The following SUCLG2 variants were observed in gnomAD, a reference collection of about 807,000 sequenced individuals.
SUCLG2 encodes the protein succinate-CoA ligase GDP-forming subunit beta.
A neutral mutation model predicts 47.9 loss-of-function variants in SUCLG2; 42 were observed. The ratio of observed to expected loss-of-function variants is 0.88; its 90% CI spans 0.69 to 1.14. SUCLG2 has a LOEUF of 1.14. Among genes scored for constraint, SUCLG2 ranks in the 50% most tolerant of loss-of-function variants. The pLI, the probability that SUCLG2 is intolerant of heterozygous loss-of-function variation, is 0.00. For synonymous variants in SUCLG2, 195 were observed against 197.3 expected, an observed-to-expected ratio of 0.99 and a Z score of 0.10; for missense variants, 571 against 525.9, an observed-to-expected ratio of 1.09 and a Z score of -0.84.
chr3:67,449,743 AG>A (rs1704009327), intron 9 of SUCLG2, among the ~76,000 whole-genome samples: 1 of 151,796 alleles, frequency 6.6e-6, no homozygotes, highest in Non-Finnish European at 1.5e-5. Flanking sequence ...CCCCCTGAGT[AG>A]CTGGGACTAC....
At chr3:67,426,904 C>A (rs556792024) in intron 9 of SUCLG2, among the ~76,000 whole-genome samples, 1 of 151,834 alleles carries the variant, frequency 6.6e-6, no homozygotes, top group African/African-American at 2.4e-5. Context: ...TCCAACCTGG[C>A]GACAGAGCAA....
chr3:67,598,273 C>T (rs1273568422), intron 2 of SUCLG2, among the ~76,000 whole-genome samples: 12 of 152,152 alleles, frequency 7.9e-5, no homozygotes, highest in Admixed American at 6.5e-5. Context: ...TGAGCCACCA[C>T]GCCCGGCCAA....
chr3:67,400,816 G>A lies in SUCLG2; in HGVS notation c.1098C>T (p.Ile366=), dbSNP rs1052001825. 5.6e-6 allele frequency: 9 copies of A among 1,612,556 alleles called. No individual in the cohort carries two copies. Among genetic ancestry groups the A allele is most frequent in the African/African-American group, 4.0e-5 (3 of 74,782 alleles). ...CATTGGCAATGATGGCACAGTTGAC[G>A]ATACCACCAAATATATTGACAAGGA... ...EAILVNIFGG[I]VNCAIIANGI... is the part of the protein sequence containing the mutation. The change falls in exon 10 of 11, where the codon ATC becomes ATT. Residue 366 remains isoleucine, a synonymous_variant. Coordinates refer to ENST00000307227, the MANE Select transcript of SUCLG2 (RefSeq NM_003848.4).
intron 2 of SUCLG2, among the ~76,000 whole-genome samples, chr3:67,551,255 T>C (rs1252087652): frequency 6.6e-6 from 1 of 152,246 alleles, no homozygotes; most frequent in South Asian, 2.1e-4. Context: ...CACCTTCTGA[T>C]GGACTAATGC....
rs1303657425 is a variant in SUCLG2, at chr3:67,400,760, A to G, written c.1154T>C (p.Leu385Pro). ...GITKACRELE[L>P]KVPLVVRLEG... ...AAGCCGGACCACCAGGGGCACCTTGAGTTCTAGCTCCCGGCAGGCTTTGGT... is the reference window on the plus strand; with the variant it reads ...AAGCCGGACCACCAGGGGCACCTTGGGTTCTAGCTCCCGGCAGGCTTTGGT... The change falls in exon 10 of 11, where the codon CTC becomes CCC. Residue 385 changes from leucine (L) to proline (P), a missense_variant. By Grantham distance (98) the Leu-to-Pro change is moderately conservative. Transcript: ENST00000307227. 1.2e-6 allele frequency: 2 copies of G among 1,611,914 alleles called. No individual in the cohort carries two copies. The highest frequency in any genetic ancestry group is 1.7e-6 in the Non-Finnish European group (2 of 1,179,942).
chr3:67,640,717 C>T (rs1428743306), intron 1 of SUCLG2, among the ~76,000 whole-genome samples: 2 of 152,180 alleles, frequency 1.3e-5, no homozygotes, highest in Admixed American at 6.5e-5. Context: ...GCTATTACTC[C>T]TTTTTTTCTT....
At chr3:67,583,049 T>C (rs1707922808) in intron 2 of SUCLG2, among the ~76,000 whole-genome samples, 1 of 152,090 alleles carries the variant, frequency 6.6e-6, no homozygotes, top group Non-Finnish European at 1.5e-5. Context: ...GAAAATACCT[T>C]ACACTGTCTT....
chr3:67,372,134 G>A (rs894989265), downstream of SUCLG2, among the ~76,000 whole-genome samples: 3 of 152,110 alleles, frequency 2.0e-5, no homozygotes, highest in Non-Finnish European at 2.9e-5. Flanking sequence ...CAGTTCCCAG[G>A]ATGCTCAATA....
intron 9 of SUCLG2, among the ~76,000 whole-genome samples, chr3:67,444,059 T>TAG (rs1703853507): frequency 1.3e-5 from 1 of 79,910 alleles, no homozygotes; most frequent in African/African-American, 4.3e-5. Context: ...GGGAGGGAGG[T>TAG]GGAGGGGTCA....
At chr3:67,439,169 C>G (rs191200396) in intron 9 of SUCLG2, among the ~76,000 whole-genome samples, 2 of 152,216 alleles carry the variant, frequency 1.3e-5, no homozygotes, top group African/African-American at 4.8e-5. Context: ...CAGAAAAGAC[C>G]TTTGATAAAA....
At chr3:67,430,308 G>A (rs553751778) in intron 9 of SUCLG2, among the ~76,000 whole-genome samples, 173 of 152,182 alleles carry the variant, frequency 1.1e-3, no homozygotes, top group African/African-American at 3.9e-3. Flanking sequence ...ACTCAAAACC[G>A]CTCAACTACA....
chr3:67,595,247 C>A (rs541463754), intron 2 of SUCLG2, among the ~76,000 whole-genome samples: 3 of 152,250 alleles, frequency 2.0e-5, no homozygotes, highest in Non-Finnish European at 4.4e-5. Context: ...GGCAGTGAAT[C>A]GTGAAAGTAG....
intron 2 of SUCLG2, among the ~76,000 whole-genome samples, chr3:67,558,560 G>A (rs1213892479): frequency 6.6e-6 from 1 of 152,118 alleles, no homozygotes; most frequent in Non-Finnish European, 1.5e-5. Flanking sequence ...AGAAAGTGCT[G>A]GGCTTTCTGT....
chr3:67,438,399 A>G (rs1248150643), intron 9 of SUCLG2, among the ~76,000 whole-genome samples: 1 of 152,154 alleles, frequency 6.6e-6, no homozygotes, highest in Non-Finnish European at 1.5e-5. Flanking sequence ...ACTGAAGGAG[A>G]TAAAGACATG....
intron 10 of SUCLG2, chr3:67,360,862 C>T: frequency 2.9e-6 from 3 of 1,018,030 alleles, no homozygotes; most frequent in African/African-American, 1.6e-5. Flanking sequence ...CCTGTTACTC[C>T]TATTCCTTAA....
At chr3:67,419,375 C>T (rs1419922841) in intron 9 of SUCLG2, among the ~76,000 whole-genome samples, 3 of 152,106 alleles carry the variant, frequency 2.0e-5, no homozygotes, top group Non-Finnish European at 4.4e-5. Flanking sequence ...TAGGAAGGTA[C>T]ATAAGAAATT....
At chr3:67,579,775 T>C (rs1707835411) in intron 2 of SUCLG2, among the ~76,000 whole-genome samples, 1 of 152,176 alleles carries the variant, frequency 6.6e-6, no homozygotes, top group African/African-American at 2.4e-5. Flanking sequence ...ACGTCAGATA[T>C]CAAAGATACT....
At chr3:67,571,851 T>C (rs1312475736) in intron 2 of SUCLG2, among the ~76,000 whole-genome samples, 1 of 152,250 alleles carries the variant, frequency 6.6e-6, no homozygotes, top group African/African-American at 2.4e-5. Flanking sequence ...CTATGCAAAA[T>C]TTGTCTTCTC....
chr3:67,495,044 C>T (rs1478960078), intron 9 of SUCLG2, among the ~76,000 whole-genome samples: 1 of 152,100 alleles, frequency 6.6e-6, no homozygotes, highest in East Asian at 1.9e-4. Context: ...AGAAAGCATA[C>T]AAAAGAAGGT....
Sources: allele counts gnomAD v4.1 joint callset (sites outside exome capture counted in the v4.1 genomes callset), GRCh38; gene constraint gnomAD v4.1.1; transcripts MANE v1.5; gene names NCBI Gene and HGNC (gene_info 2026-07-23, HGNC 2026-07-21).